The following NMNAT2 variants were observed in gnomAD, a reference collection of about 807,000 sequenced individuals.
The protein encoded by NMNAT2 is nicotinamide/nicotinic acid mononucleotide adenylyltransferase 2.
In NMNAT2, 11 loss-of-function variants were observed where a neutral mutation model predicts 41.6. The ratio of observed to expected loss-of-function variants is 0.26; its 90% confidence interval spans 0.17 to 0.44. NMNAT2 has a LOEUF of 0.44. Among genes scored for constraint, NMNAT2 ranks in the 20% least tolerant of loss-of-function variants. The probability of loss-of-function intolerance (pLI) is 1.00; values close to 1 mark genes in which losing one functional copy is unlikely to be tolerated. For synonymous variants in NMNAT2, 148 were observed against 151.2 expected, an observed-to-expected ratio of 0.98 and a Z score of 0.16; for missense variants, 288 against 407.7, an observed-to-expected ratio of 0.71 and a Z score of 2.53.
At chr1:183,321,750 A>G (rs1459433432) in intron 1 of NMNAT2, among the ~76,000 whole-genome samples, 1 of 152,016 alleles carries the variant, frequency 6.6e-6, no homozygotes, top group Non-Finnish European at 1.5e-5. Flanking sequence ...AAGAAAAAAA[A>G]AAGGAAGAAA....
chr1:183,351,455 C>T (rs899514914), intron 1 of NMNAT2, among the ~76,000 whole-genome samples: 1 of 152,186 alleles, frequency 6.6e-6, no homozygotes, highest in Non-Finnish European at 1.5e-5. Context: ...GTCTGTGAAC[C>T]TCTGAACCCT....
chr1:183,360,953 T>C (rs1041594300), intron 1 of NMNAT2, among the ~76,000 whole-genome samples: 1 of 152,218 alleles, frequency 6.6e-6, no homozygotes, highest in African/African-American at 2.4e-5. Flanking sequence ...TTATTTACCC[T>C]AGCTCTCCAC....
chr1:183,391,054 C>A (rs1648467611), intron 1 of NMNAT2, among the ~76,000 whole-genome samples: 1 of 152,150 alleles, frequency 6.6e-6, no homozygotes, highest in Admixed American at 6.5e-5. Context: ...TGGTATTTTG[C>A]AGCATCAATG....
chr1:183,320,160 T>C (rs1049304762), intron 1 of NMNAT2, among the ~76,000 whole-genome samples: 4 of 152,326 alleles, frequency 2.6e-5, no homozygotes, highest in Non-Finnish European at 5.9e-5. Flanking sequence ...TCTTCTGGGC[T>C]TAGAGAGAAT....
At chr1:183,347,642 A>T (rs967968620) in intron 1 of NMNAT2, among the ~76,000 whole-genome samples, 3 of 152,218 alleles carry the variant, frequency 2.0e-5, no homozygotes, top group Admixed American at 6.5e-5. Context: ...AGCCCTCAGC[A>T]CTGGACATAG....
intron 1 of NMNAT2, among the ~76,000 whole-genome samples, chr1:183,320,985 G>A (rs1217814623): frequency 6.6e-6 from 1 of 152,170 alleles, no homozygotes; most frequent in East Asian, 1.9e-4. Flanking sequence ...TCCTTTCTGT[G>A]TCTTTTTAAA....
intron 1 of NMNAT2, among the ~76,000 whole-genome samples, chr1:183,313,692 G>A (rs1049296854): frequency 2.0e-5 from 3 of 152,152 alleles, no homozygotes; most frequent in African/African-American, 7.2e-5. Flanking sequence ...CACCATGTTG[G>A]CCAGGCTGGT....
At chr1:183,280,515 G>A (rs1442051934) in intron 7 of NMNAT2, among the ~76,000 whole-genome samples, 2 of 151,878 alleles carry the variant, frequency 1.3e-5, no homozygotes, top group African/African-American at 4.8e-5. Context: ...AGCCTCCCAA[G>A]TAGCTGGGAT....
intron 10 of NMNAT2, among the ~76,000 whole-genome samples, chr1:183,256,430 A>T (rs653541): frequency 0.037 from 5,591 of 152,204 alleles, 349 homozygotes; most frequent in African/African-American, 0.13. Context: ...TAAAAAAATT[A>T]AAAAATTTAA....
chr1:183,341,749 CT>C (rs1662821333), intron 1 of NMNAT2, among the ~76,000 whole-genome samples: 1 of 31,680 alleles, frequency 3.2e-5, no homozygotes, highest in Non-Finnish European at 6.4e-5. Context: ...AAAAAAAAAC[CT>C]GTTTCCTTCA....
intron 1 of NMNAT2, among the ~76,000 whole-genome samples, chr1:183,353,606 C>G (rs1052867434): frequency 6.6e-6 from 1 of 152,210 alleles, no homozygotes; most frequent in South Asian, 2.1e-4. Context: ...GGAAAACCAT[C>G]TGAAACTCTG....
chr1:183,295,026 C>T (rs1425169187), intron 1 of NMNAT2, among the ~76,000 whole-genome samples: 3 of 152,124 alleles, frequency 2.0e-5, no homozygotes, highest in Non-Finnish European at 4.4e-5. Context: ...TTTTTTGAGA[C>T]AAAGTCTCAC....
At chr1:183,361,742 G>A (rs1215686187) in intron 1 of NMNAT2, among the ~76,000 whole-genome samples, 1 of 152,098 alleles carries the variant, frequency 6.6e-6, no homozygotes, top group African/African-American at 2.4e-5. Context: ...ATTTTTGGCT[G>A]TTTATCAAGA....
At position 183,382,468 on chromosome 1, in the gene NMNAT2, A is replaced by G. The variant is rs562184601; in HGVS notation, c.85+35715T>C. On this transcript the variant is annotated intron_variant, in intron 1 of 10. Coordinates refer to ENST00000287713, the MANE Select transcript of NMNAT2 (RefSeq NM_015039.4). ...TCTACAATCCCCCCAGTCTTAACTC[A>G]TTTCAGCATTAACTCAAAAGTCCAC... Among the ~76,000 whole-genome samples the G allele has an allele frequency of 2.6e-5, 4 of 152,280 alleles. No homozygotes were observed. The East Asian group carries it at 5.8e-4, about 22-fold the overall frequency.
chr1:183,354,409 C>CTTTT (rs67663742), intron 1 of NMNAT2, among the ~76,000 whole-genome samples: 6 of 89,654 alleles, frequency 6.7e-5, no homozygotes, highest in Non-Finnish European at 1.0e-4. Flanking sequence ...TCTTTAATGT[C>CTTTT]TTTTTTTTTT....
intron 1 of NMNAT2, among the ~76,000 whole-genome samples, chr1:183,344,988 G>GT (rs1662896003): frequency 6.6e-6 from 1 of 152,178 alleles, no homozygotes. Context: ...GAGAAGGATT[G>GT]TAAAAAGTTG....
At chr1:183,275,829 C>T (rs763074406) in intron 8 of NMNAT2, among the ~76,000 whole-genome samples, 7 of 152,246 alleles carry the variant, frequency 4.6e-5, no homozygotes, top group East Asian at 1.9e-4. Flanking sequence ...CCCGCCACCA[C>T]GCCCAGCTAA....
intron 1 of NMNAT2, among the ~76,000 whole-genome samples, chr1:183,366,872 C>T (rs1663424836): frequency 6.6e-6 from 1 of 152,136 alleles, no homozygotes; most frequent in African/African-American, 2.4e-5. Flanking sequence ...CTCCTGTCAA[C>T]CAAGCAAAAC....
At chr1:183,393,963 C>A (rs1273611084) in intron 1 of NMNAT2, among the ~76,000 whole-genome samples, 1 of 152,164 alleles carries the variant, frequency 6.6e-6, no homozygotes, top group Non-Finnish European at 1.5e-5. Flanking sequence ...ACAGCTTATG[C>A]TCTCATGGAC....
Sources: gnomAD v4.1 joint callset for allele counts (sites outside exome capture counted in the v4.1 genomes callset) on GRCh38, gnomAD v4.1.1 for gene constraint, MANE v1.5 for transcripts, NCBI Gene and HGNC (gene_info 2026-07-23, HGNC 2026-07-21) for gene names.